The following TDRD12 variants were observed in gnomAD, a reference collection of about 807,000 sequenced individuals.
TDRD12 encodes the protein putative ATP-dependent RNA helicase TDRD12.
A neutral mutation model predicts 133.5 loss-of-function variants in TDRD12; 158 were observed. That is an observed-to-expected ratio of 1.18 (90% CI 1.04 to 1.35). The LOEUF is 1.35. Among genes scored for constraint, TDRD12 ranks in the 40% most tolerant of loss-of-function variants. TDRD12 has a pLI of 0.00. For synonymous variants in TDRD12, 460 were observed against 477.9 expected (o/e 0.96, Z 0.49); for missense variants, 1,443 against 1,321.3 (o/e 1.09, Z -1.43).
intron 24 of TDRD12, among the ~76,000 whole-genome samples, chr19:32,813,091 G>A (rs1318928363): frequency 2.0e-5 from 3 of 152,138 alleles, no homozygotes; most frequent in Admixed American, 6.6e-5. Flanking sequence ...AAGGAGGATC[G>A]CTGGCACCCT....
At chr19:32,800,231 A>C in exon 17 of TDRD12, 1 of 1,533,904 alleles carries the variant, frequency 6.5e-7, no homozygotes, top group South Asian at 1.2e-5. Context: ...TCTGCACCAC[A>C]TCAGATTGTT....
intron 3 of TDRD12, among the ~76,000 whole-genome samples, chr19:32,739,927 A>G (rs1192787213): frequency 1.5e-5 from 2 of 133,656 alleles, no homozygotes; most frequent in African/African-American, 5.8e-5. Flanking sequence ...TACTCTCTGC[A>G]TCTCCTGGGT....
intron 6 of TDRD12, among the ~76,000 whole-genome samples, chr19:32,750,099 T>C (rs1349729162): frequency 6.6e-6 from 1 of 152,180 alleles, no homozygotes; most frequent in African/African-American, 2.4e-5. Flanking sequence ...ATTATTCCTA[T>C]AGTGATGAGC....
intron 13 of TDRD12, among the ~76,000 whole-genome samples, chr19:32,791,995 C>T (rs982690217): frequency 1.3e-5 from 2 of 151,412 alleles, no homozygotes; most frequent in Non-Finnish European, 2.9e-5. Context: ...CACCTGTAAT[C>T]CTAACACTGG....
At chr19:32,765,735 G>A (rs1970277498) in intron 8 of TDRD12, among the ~76,000 whole-genome samples, 1 of 132,484 alleles carries the variant, frequency 7.5e-6, no homozygotes, top group Non-Finnish European at 1.6e-5. Flanking sequence ...CCGGGGGCCT[G>A]TTGTGGGGTG....
chr19:32,780,625 C>T (rs1038640488), intron 11 of TDRD12, among the ~76,000 whole-genome samples: 1 of 152,150 alleles, frequency 6.6e-6, no homozygotes, highest in Non-Finnish European at 1.5e-5. Context: ...CCCATGACTC[C>T]ACTCTCCCCA....
chr19:32,818,346 G>A (rs887224117), intron 27 of TDRD12, among the ~76,000 whole-genome samples, 189 bp downstream of exon 27: 1 of 152,208 alleles, frequency 6.6e-6, no homozygotes, highest in African/African-American at 2.4e-5. Context: ...GAGGTGCTGG[G>A]CCAGGTCTTG....
chr19:32,827,035 T>C, intron 9 of TDRD12, 129 bp from the exon 33 acceptor site: 1 of 450,728 alleles, frequency 2.2e-6, no homozygotes, highest in East Asian at 3.5e-5. Context: ...TTACCTAAAA[T>C]AATGAAAATA....
exon 1 of TDRD12, chr19:32,719,861 A>G: frequency 1.6e-6 from 1 of 606,258 alleles, no homozygotes; most frequent in East Asian, 2.8e-5. Flanking sequence ...GCCAGGACGG[A>G]GCGCATTGCC....
chr19:32,802,663 AGAC>A, exon 20 of TDRD12: 1 of 1,536,066 alleles, frequency 6.5e-7, no homozygotes, highest in Non-Finnish European at 8.7e-7. Context: ...CAGCCCTCAC[AGAC>A]GACTGCGTCC....
Position 32,749,402 on chromosome 19 carries a change from G to A in TDRD12, c.497-382G>A, listed in dbSNP as rs561908871. ...CGAAAGAAGGTTTCTAAAGGACTTA[G>A]CACAGCACCTGGTAGGTGGCAGTGA... On this transcript the variant is annotated intron_variant, in intron 5 of 27. Transcript: ENST00000444215. Among the ~76,000 whole-genome samples the A allele has an allele frequency of 1.1e-4, 16 of 152,294 alleles. No homozygotes were observed. The East Asian group carries it at 3.1e-3, about 29-fold the overall frequency.
chr19:32,790,432 G>A (rs2145660823), intron 11 of TDRD12, 99 bp from the exon 12 acceptor site: 1 of 1,198,348 alleles, frequency 8.3e-7, no homozygotes, highest in Non-Finnish European at 1.2e-6. Flanking sequence ...CTTGGGCTGT[G>A]CAGCCCCTGC....
Position 32,811,266 on chromosome 19 carries a change from TTG to T in TDRD12, c.2896_2897del (p.Val966ArgfsTer5), listed in dbSNP as rs1966994851. ...GACGCCTGGGCCCTGGATGACATCC[TTG>T]TAGAGTTCATCGATGAAGGCAGGAC... On this transcript the variant is annotated frameshift_variant, in exon 24 of 28. Coordinates refer to ENST00000444215, the Ensembl canonical transcript of TDRD12. LOFTEE classifies it high-confidence loss of function. The T allele has an allele frequency of 1.3e-6, 2 of 1,536,092 alleles. No homozygotes were observed. Among genetic ancestry groups the T allele is most frequent in the Non-Finnish European group, 1.7e-6 (2 of 1,146,908 alleles).
exon 1 of TDRD12, chr19:32,719,955 G>A: frequency 1.5e-6 from 2 of 1,290,512 alleles, no homozygotes; most frequent in East Asian, 5.1e-5. Flanking sequence ...CGCTAAAGGT[G>A]GAGGGAAGGA....
chr19:32,787,276 G>A (rs2145649636), intron 11 of TDRD12, among the ~76,000 whole-genome samples: 1 of 152,260 alleles, frequency 6.6e-6, no homozygotes, highest in East Asian at 1.9e-4. Context: ...ATTGCTGCCT[G>A]ATCCTTCCTC....
intron 8 of TDRD12, among the ~76,000 whole-genome samples, chr19:32,765,785 T>C (rs1271126871): frequency 6.6e-6 from 1 of 151,878 alleles, no homozygotes; most frequent in South Asian, 2.1e-4. Flanking sequence ...ATATACCTAA[T>C]GTTAAATGAC....
At chr19:32,756,011 T>G in exon 7 of TDRD12, 2 of 1,468,772 alleles carry the variant, frequency 1.4e-6, no homozygotes, top group Non-Finnish European at 1.8e-6. Context: ...AATGATGATC[T>G]TGTTGCAAAG....
At chr19:32,824,558 G>A (rs1294590454), downstream of TDRD12, 1 of 152,406 alleles carries the variant, frequency 6.6e-6, no homozygotes, top group African/African-American at 2.4e-5. Flanking sequence ...CAAAGGGGAA[G>A]TTACACGCTG....
chr19:32,776,559 T>C (rs1970591144), intron 10 of TDRD12, among the ~76,000 whole-genome samples: 1 of 152,264 alleles, frequency 6.6e-6, no homozygotes, highest in Non-Finnish European at 1.5e-5. Context: ...CAAAGTCATC[T>C]TGAGGTCAAC....
Sources: allele counts gnomAD v4.1 joint callset (sites outside exome capture counted in the v4.1 genomes callset), GRCh38; gene constraint gnomAD v4.1.1; transcripts MANE v1.5; gene names NCBI Gene and HGNC (gene_info 2026-07-23, HGNC 2026-07-21).